The following BSN variants were observed in gnomAD, a reference collection of about 807,000 sequenced individuals.
BSN encodes the protein protein bassoon.
A neutral mutation model predicts 264.8 loss-of-function variants in BSN; 57 were observed. That is an observed-to-expected ratio of 0.22 (90% CI 0.17 to 0.27). The LOEUF is 0.27. Among genes scored for constraint, BSN ranks in the 10% least tolerant of loss-of-function variants. The probability of loss-of-function intolerance (pLI) is 1.00; values close to 1 mark genes in which losing one functional copy is unlikely to be tolerated. For missense variants in BSN, 4,615 were observed against 5,232.5 expected (o/e 0.88, Z 3.64); for synonymous variants, 2,059 against 2,137.3 (o/e 0.96, Z 1.01).
intron 2 of BSN, chr3:49,641,500 G>A (rs946224773): frequency 2.0e-5 from 3 of 152,196 alleles, no homozygotes; most frequent in Non-Finnish European, 2.9e-5. Context: ...TTATCACATG[G>A]ATAGCGGCAC....
At chr3:49,599,386 C>A (rs527358802) in intron 1 of BSN, among the ~76,000 whole-genome samples, 4 of 152,050 alleles carry the variant, frequency 2.6e-5, no homozygotes, top group Non-Finnish European at 5.9e-5. Context: ...TGAACCTTTT[C>A]GAGGGTGGAT....
At position 49,660,601 on chromosome 3, in the gene BSN, C is replaced by T. The variant is rs1261068632; in HGVS notation, c.8756C>T (p.Ala2919Val). ...GGCCAGGCCTCCCCACAGCTGTATG[C>T]AGCCAGCCTGCTGCAGCGAGGGCTG... is the stretch of plus-strand genomic sequence containing the variant. Reference protein sequence around the residue: ...LAGQASPQLYAASLLQRGLTG... With the variant: ...LAGQASPQLYVASLLQRGLTG... Residue 2919 changes from alanine (A) to valine (V), a missense_variant, in exon 6 of 12, where the codon GCA becomes GTA. Ala to Val is a moderately conservative substitution (Grantham distance 64). Coordinates refer to ENST00000296452, the MANE Select transcript of BSN (RefSeq NM_003458.4). This position sits in a 1 kb window ranked among gnomAD's most constrained non-coding sequence, Gnocchi z 7.1. 3.1e-6 allele frequency: 5 copies of T among 1,612,710 alleles called. No homozygotes were observed. The highest frequency in any genetic ancestry group is 2.2e-5 in the South Asian group (2 of 91,028).
chr3:49,598,193 C>G (rs1335864680), intron 1 of BSN, among the ~76,000 whole-genome samples: 1 of 152,164 alleles, frequency 6.6e-6, no homozygotes, highest in East Asian at 1.9e-4. Context: ...TTTCCTGTTG[C>G]TTTGCATGTC....
chr3:49,618,829 A>T (rs1337263717), intron 1 of BSN, among the ~76,000 whole-genome samples: 1 of 152,202 alleles, frequency 6.6e-6, no homozygotes, highest in African/African-American at 2.4e-5. Context: ...TCTTGCAGGG[A>T]TTTGTTTGCA....
At chr3:49,606,337 T>TAAAATATATATATAATATATA (rs2052152227) in intron 1 of BSN, among the ~76,000 whole-genome samples, 1 of 60,520 alleles carries the variant, frequency 1.7e-5, no homozygotes, top group Non-Finnish European at 3.9e-5. Context: ...ATATATATAT[T>TAAAATATATATATAATATATA]TTTGGCATGA....
Position 49,655,432 on chromosome 3 carries a change from G to GGGT in BSN, c.5882_5884dup (p.Val1961dup). 1 of 1,569,922 alleles carries GGGT rather than the reference G, an allele frequency of 6.4e-7. No individual in the cohort carries two copies. On this transcript the variant is annotated inframe_insertion, in exon 5 of 12. Transcript: ENST00000296452. ...GAGCCCCCAACCTACCGGGCACAGG[G>GGGT]GGTGGTGGGGCCTGGGCCCCATGAG...
At chr3:49,606,617 C>T (rs1238651094) in intron 1 of BSN, among the ~76,000 whole-genome samples, 1 of 151,888 alleles carries the variant, frequency 6.6e-6, no homozygotes, top group Non-Finnish European at 1.5e-5. Context: ...GAGGACCTGA[C>T]ATGCAGTAAA....
intron 1 of BSN, among the ~76,000 whole-genome samples, chr3:49,559,070 G>T (rs2051694770): frequency 6.6e-6 from 1 of 152,006 alleles, no homozygotes; most frequent in African/African-American, 2.4e-5. Context: ...GGTATTACAG[G>T]CACCCACCAC....
In BSN at chr3:49,642,519, C is replaced by T; in HGVS notation, c.885C>T (p.Ala295=). Residue 295 remains alanine, a synonymous_variant, in exon 3 of 12, where the codon GCC becomes GCT. Coordinates refer to ENST00000296452, the MANE Select transcript of BSN (RefSeq NM_003458.4). The surrounding 1 kb of genome is among the most constrained non-coding windows in gnomAD (Gnocchi z 7.0). ...TSVPGPAQAA[A]PPEVGRVSPQ... ...TGCCGGGGCCTGCCCAAGCAGCTGC[C>T]CCTCCAGAGGTGGGGAGGGTGTCTC... 1 of 1,575,848 alleles carries T rather than the reference C, an allele frequency of 6.3e-7. No homozygotes were observed. The highest frequency in any genetic ancestry group is 1.2e-5 in the South Asian group (1 of 86,092).
chr3:49,581,772 C>T (rs1234652518), intron 1 of BSN, among the ~76,000 whole-genome samples: 5 of 151,746 alleles, frequency 3.3e-5, no homozygotes, highest in Non-Finnish European at 4.4e-5. Context: ...TGCAGTGAGC[C>T]GAAATCGCGC....
In BSN at chr3:49,642,699, G is replaced by A. The variant is rs143449665; in HGVS notation, c.1065G>A (p.Ala355=). ...CTGGTAAGCTCTTCGGCCTTGGCGC[G>A]TCACTGCTAACCCAGGCGAGCACCC... ...GLTGKLFGLG[A]SLLTQASTLM... Residue 355 remains alanine, a synonymous_variant, in exon 3 of 12, where the codon GCG becomes GCA. Coordinates refer to ENST00000296452, the MANE Select transcript of BSN (RefSeq NM_003458.4). The surrounding 1 kb of genome is among the most constrained non-coding windows in gnomAD (Gnocchi z 7.0). 928 of 1,613,068 alleles carry A rather than the reference G, an allele frequency of 5.8e-4. 1 individual carries two copies. Among genetic ancestry groups the A allele is most frequent in the South Asian group, 1.3e-3 (119 of 91,052 alleles).
At chr3:49,559,038 T>A (rs1478811683) in intron 1 of BSN, among the ~76,000 whole-genome samples, 1 of 152,154 alleles carries the variant, frequency 6.6e-6, no homozygotes, top group Admixed American at 6.5e-5. Context: ...GCGATTCTCC[T>A]GCCTCAGCCT....
intron 3 of BSN, among the ~76,000 whole-genome samples, chr3:49,645,683 G>A (rs561283032): frequency 7.7e-4 from 117 of 152,324 alleles, no homozygotes; most frequent in African/African-American, 2.7e-3. Flanking sequence ...CCAGGCTGTG[G>A]TCTGTCTTGG....
At chr3:49,584,138 G>A (rs995713064) in intron 1 of BSN, among the ~76,000 whole-genome samples, 2 of 152,072 alleles carry the variant, frequency 1.3e-5, no homozygotes, top group African/African-American at 4.8e-5. Context: ...ACCCACCTCG[G>A]CTTCCCAAAG....
intron 1 of BSN, among the ~76,000 whole-genome samples, chr3:49,603,064 C>T (rs1204199536): frequency 1.3e-5 from 2 of 152,092 alleles, no homozygotes; most frequent in African/African-American, 4.8e-5. Flanking sequence ...GCCATACCTG[C>T]CTCTCACTGG....
At position 49,671,441 on chromosome 3, in the gene BSN, G is replaced by A. The variant is rs996628727; in HGVS notation, c.*3956G>A. On this transcript the variant is annotated 3_prime_UTR_variant, in exon 12 of 12. Coordinates refer to ENST00000296452, the MANE Select transcript of BSN (RefSeq NM_003458.4). This position sits in a 1 kb window ranked among gnomAD's most constrained non-coding sequence, Gnocchi z 4.1. ...CACATGACCTTGTGAATTGTGTGCTGTCCTTCTGTGCTCTGTGAGAACTCG... is the reference window on the plus strand; with the variant it reads ...CACATGACCTTGTGAATTGTGTGCTATCCTTCTGTGCTCTGTGAGAACTCG... The A allele has an allele frequency of 4.6e-5, 7 of 152,584 alleles. No homozygotes were observed. The highest frequency in any genetic ancestry group is 1.7e-4 in the African/African-American group (7 of 41,386). 9.5% of individuals were successfully genotyped at this position (152,584 alleles called of 1,614,324 possible).
chr3:49,574,002 T>C (rs2051819788), intron 1 of BSN, among the ~76,000 whole-genome samples: 2 of 151,982 alleles, frequency 1.3e-5, no homozygotes. Context: ...CAGGCTGGAG[T>C]GCAGTGGTGC....
chr3:49,658,306 C>T (rs1198730056), intron 5 of BSN, 110 bp downstream of exon 5: 7 of 1,300,716 alleles, frequency 5.4e-6, no homozygotes, highest in Admixed American at 3.0e-5. Flanking sequence ...TCTCTGGCCC[C>T]AGAGGCCCAG....
At chr3:49,575,032 T>C (rs2051832045) in intron 1 of BSN, among the ~76,000 whole-genome samples, 1 of 152,170 alleles carries the variant, frequency 6.6e-6, no homozygotes, top group East Asian at 1.9e-4. Context: ...ATTTTTTCTT[T>C]TGGCTTAAAA....
Sources: allele counts gnomAD v4.1 joint callset (sites outside exome capture counted in the v4.1 genomes callset), GRCh38; gene constraint gnomAD v4.1.1; non-coding constraint Gnocchi (gnomAD v3.1); transcripts MANE v1.5; gene names NCBI Gene and HGNC (gene_info 2026-07-23, HGNC 2026-07-21).